COL4A5: variants seen among roughly 807,000 people sequenced by gnomAD.
The protein encoded by COL4A5 is collagen alpha-5(IV) chain.
A neutral mutation model predicts 130.2 loss-of-function variants in COL4A5; 26 were observed. The ratio of observed to expected loss-of-function variants is 0.20; its 90% CI spans 0.15 to 0.28. COL4A5 has a LOEUF of 0.28. Among genes scored for constraint, COL4A5 ranks in the 10% least tolerant of loss-of-function variants. The pLI, the probability that COL4A5 is intolerant of heterozygous loss-of-function variation, is 1.00. For synonymous variants in COL4A5, 496 were observed against 439.6 expected, an observed-to-expected ratio of 1.13 and a Z score of -1.60; for missense variants, 1,131 against 1,344.3, an observed-to-expected ratio of 0.84 and a Z score of 2.48.
In COL4A5 at chrX:108,504,697, T is replaced by C. The variant is rs772541250; in HGVS notation, c.82-35049T>C. Among the ~76,000 whole-genome samples, 10 of 112,202 alleles carry C rather than the reference T, an allele frequency of 8.9e-5. No homozygotes were observed. In the East Asian group the frequency reaches 2.5e-3, roughly 28 times the overall value. ...ATTAAAACCACAATGAAGTGCCACC[T>C]TACCCCAGCTAGAATAGCCAGTATT... On this transcript the variant is annotated intron_variant, in intron 1 of 52. Coordinates refer to ENST00000328300, the MANE Select transcript of COL4A5 (RefSeq NM_033380.3).
rs774675454 is a variant in COL4A5 at position 108,626,480 on chromosome X, C to G, written c.3246+131C>G. ...GTATATTCTGGATAAGAGATTTATT[C>G]CTTTTCTTTTCTCTTAGATGATAAG... On this transcript the variant is annotated intron_variant, in intron 36 of 52. Transcript: ENST00000328300. 1,256 of 1,162,544 alleles carry G rather than the reference C, an allele frequency of 1.1e-3. 7 individuals carry two copies. In the African/African-American group the frequency reaches 0.02, roughly 18 times the overall value.
chrX:108,626,579 A>G lies in COL4A5; in HGVS notation c.3246+230A>G, dbSNP rs759773372. The G allele has an allele frequency of 1.2e-4, 139 of 1,119,121 alleles. No homozygotes were observed. In the African/African-American group the frequency reaches 2.4e-3, roughly 19 times the overall value. 92.2% of individuals were successfully genotyped at this position (1,119,121 alleles called of 1,213,427 possible). On this transcript the variant is annotated intron_variant, in intron 36 of 52. Coordinates refer to ENST00000328300, the MANE Select transcript of COL4A5 (RefSeq NM_033380.3). The stretch of plus-strand genomic sequence containing the variant: ...TTTCTGGTTTCTTTGTTTTTCTTCT[A>G]TCTTAATTTCTGGATATACTTCAAT...
At chrX:108,638,465 A>AACTTTTACC (rs1161167607) in intron 36 of COL4A5, among the ~76,000 whole-genome samples, 1 of 112,038 alleles carries the variant, frequency 8.9e-6, no homozygotes, top group African/African-American at 3.2e-5. Context: ...ACCCACAGCT[A>AACTTTTACC]ACAATGGTAA....
chrX:108,492,465 A>C (rs941593153), intron 1 of COL4A5, among the ~76,000 whole-genome samples: 9 of 112,137 alleles, frequency 8.0e-5, no homozygotes, highest in African/African-American at 2.9e-4. Context: ...GCTGCATCAT[A>C]ATATTCAAAA....
intron 36 of COL4A5, among the ~76,000 whole-genome samples, chrX:108,641,441 C>T (rs779600182): frequency 8.9e-6 from 1 of 111,757 alleles, no homozygotes; most frequent in African/African-American, 3.2e-5. Flanking sequence ...TACAGAGGTA[C>T]GCATTGTGAA....
chrX:108,681,797 C>A lies in COL4A5; in HGVS notation c.4125C>A (p.Ile1375=). 1 of 1,208,808 alleles carries A rather than the reference C, an allele frequency of 8.3e-7. No homozygotes were observed. Residue 1375 remains isoleucine (I), a synonymous_variant, in exon 47 of 53, where the codon ATC becomes ATA. Coordinates refer to ENST00000328300, the MANE Select transcript of COL4A5 (RefSeq NM_033380.3). ...TACCTGGTCCTTCAGGACAGAGTAT[C>A]ATAATTAAAGGAGATGCTGGTCCTC... ...PGLPGPSGQS[I]IIKGDAGPPG... is the part of the protein sequence containing the mutation.
rs1166494631 is a variant in COL4A5, at chrX:108,526,595, CCTTTCTTTCTTTCTTTCTTTCTTT to C, written c.82-13107_82-13084del. Among the ~76,000 whole-genome samples, 141 of 33,254 alleles carry C rather than the reference CCTTTCTTTCTTTCTTTCTTTCTTT, an allele frequency of 4.2e-3. 5 individuals carry two copies. The highest frequency in any genetic ancestry group is 0.017 in the African/African-American group (134 of 7,925). 28.9% of individuals were successfully genotyped at this position (33,254 alleles called of 115,157 possible). A position where few individuals can be genotyped will look rare whatever the true frequency, so the allele number is the denominator to read the frequency against. Reference sequence around the variant, plus strand: ...TTCCTCCCTCCCTCCCTCCCTCCCTCCTTTCTTTCTTTCTTTCTTTCTTTCTTTCTTTCTTTCTTTCTTTCTTTC... The same window carrying C: ...TTCCTCCCTCCCTCCCTCCCTCCCTCCTTTCTTTCTTTCTTTCTTTCTTTC... On this transcript the variant is annotated intron_variant, in intron 1 of 52. Coordinates refer to ENST00000328300, the MANE Select transcript of COL4A5 (RefSeq NM_033380.3).
At chrX:108,661,938 T>C (rs1416970398) in intron 37 of COL4A5, among the ~76,000 whole-genome samples, 2 of 110,330 alleles carry the variant, frequency 1.8e-5, no homozygotes, top group African/African-American at 3.3e-5. Context: ...TTATTATTAT[T>C]ATACTTTAAG....
chrX:108,539,886 GCTT>G, intron 2 of COL4A5, 81 bp downstream of exon 2: 1 of 781,502 alleles, frequency 1.3e-6, no homozygotes, highest in East Asian at 3.3e-5. Flanking sequence ...TAAAAACAGA[GCTT>G]CTATCTCAGT....
chrX:108,602,126 C>A, intron 27 of COL4A5, 137 bp downstream of exon 27: 1 of 435,440 alleles, frequency 2.3e-6, no homozygotes, highest in South Asian at 3.3e-5. Flanking sequence ...AATAAAAAAT[C>A]ACAGTGTATT....
intron 29 of COL4A5, among the ~76,000 whole-genome samples, chrX:108,607,684 A>G (rs2066758720): frequency 9.1e-6 from 1 of 110,128 alleles, no homozygotes; most frequent in South Asian, 3.9e-4. Flanking sequence ...GGGTTTCACC[A>G]TGTTGGCCAG....
intron 1 of COL4A5, chrX:108,442,914 C>T (rs957308754): frequency 1.8e-5 from 2 of 111,845 alleles, no homozygotes; most frequent in Admixed American, 9.5e-5. Context: ...AAATTACAGA[C>T]GTTGAATACA....
intron 28 of COL4A5, among the ~76,000 whole-genome samples, chrX:108,603,574 T>G (rs2066679386): frequency 8.9e-6 from 1 of 112,226 alleles, no homozygotes; most frequent in South Asian, 3.7e-4. Flanking sequence ...CAAGTTATAA[T>G]CTTTATGCTG....
At chrX:108,516,599 A>C (rs773309599) in intron 1 of COL4A5, among the ~76,000 whole-genome samples, 1 of 111,821 alleles carries the variant, frequency 8.9e-6, no homozygotes, top group Admixed American at 9.5e-5. Flanking sequence ...TATTCTTACC[A>C]TAAAATTAAG....
At chrX:108,442,289 A>G (rs770193148) in intron 1 of COL4A5, among the ~76,000 whole-genome samples, 1 of 111,777 alleles carries the variant, frequency 8.9e-6, no homozygotes, top group Non-Finnish European at 1.9e-5. Flanking sequence ...ACTCTTTTAT[A>G]GGTAAATGAT....
At chrX:108,561,518 T>G (rs1050626186) in intron 3 of COL4A5, among the ~76,000 whole-genome samples, 8 of 103,089 alleles carry the variant, frequency 7.8e-5, no homozygotes, top group South Asian at 4.2e-4. Context: ...ATTTTCTGGG[T>G]TTTTTTTTTT....
intron 36 of COL4A5, among the ~76,000 whole-genome samples, chrX:108,646,885 A>G (rs1367315822): frequency 9.1e-6 from 1 of 109,377 alleles, no homozygotes; most frequent in Non-Finnish European, 1.9e-5. Flanking sequence ...AAGATCAGAT[A>G]GTTGTAGATA....
chrX:108,555,828 A>T (rs1187753657), intron 2 of COL4A5, among the ~76,000 whole-genome samples: 1 of 112,042 alleles, frequency 8.9e-6, no homozygotes, highest in Non-Finnish European at 1.9e-5. Flanking sequence ...TTCTTAATAA[A>T]TGATATATAA....
chrX:108,512,764 G>A (rs1172798647), intron 1 of COL4A5, among the ~76,000 whole-genome samples: 2 of 111,189 alleles, frequency 1.8e-5, no homozygotes, highest in African/African-American at 3.3e-5. Flanking sequence ...CACAGGACCC[G>A]GGCGAAATTA....
Sources: gnomAD v4.1 joint callset for allele counts (sites outside exome capture counted in the v4.1 genomes callset) on GRCh38, gnomAD v4.1.1 for gene constraint, MANE v1.5 for transcripts, NCBI Gene and HGNC (gene_info 2026-07-23, HGNC 2026-07-21) for gene names.